ATP8A2: variants seen among roughly 807,000 people sequenced by gnomAD.
The protein encoded by ATP8A2 is phospholipid-transporting ATPase IB.
In ATP8A2, 100 loss-of-function variants were observed where a neutral mutation model predicts 165.6. That is an observed-to-expected ratio of 0.60 (90% CI 0.51 to 0.71). The LOEUF (loss-of-function observed/expected upper bound fraction) is 0.71, where lower values mean the gene tolerates loss of function less well. ATP8A2 is among the 30% of genes least tolerant of loss of function. ATP8A2 has a pLI of 0.00. For synonymous variants in ATP8A2, 543 were observed against 548.8 expected (o/e 0.99, Z 0.15); for missense variants, 1,227 against 1,479.5 (o/e 0.83, Z 2.80).
At chr13:25,622,651 A>G (rs2041000633) in intron 24 of ATP8A2, among the ~76,000 whole-genome samples, 1 of 152,194 alleles carries the variant, frequency 6.6e-6, no homozygotes, top group African/African-American at 2.4e-5. Flanking sequence ...ATCTGACCTC[A>G]TGTGACAGGT....
rs557331440 is a variant in ATP8A2 at position 25,592,048 on chromosome 13, A to G, written c.2211+2349A>G. ...CACTGGTTTTTTTTTTTTTAATAGT[A>G]GCCACTCTAATGGGTTTGAGAGTGG... On this transcript the variant is annotated intron_variant, in intron 24 of 36. Coordinates refer to ENST00000381655, the MANE Select transcript of ATP8A2 (RefSeq NM_016529.6). Among the ~76,000 whole-genome samples, 13 of 147,746 alleles carry G rather than the reference A, an allele frequency of 8.8e-5. 1 individual carries two copies. In the South Asian group the frequency reaches 2.8e-3, roughly 31 times the overall value.
chr13:25,981,797 A>C (rs1280094068), intron 35 of ATP8A2, among the ~76,000 whole-genome samples: 1 of 152,190 alleles, frequency 6.6e-6, no homozygotes, highest in African/African-American at 2.4e-5. Context: ...TTCCTGAAAA[A>C]ATGTGAAGTC....
intron 1 of ATP8A2, among the ~76,000 whole-genome samples, chr13:25,390,564 G>A (rs1346000066): frequency 6.6e-6 from 1 of 152,088 alleles, no homozygotes; most frequent in Admixed American, 6.5e-5. Flanking sequence ...GTCTTTCCCA[G>A]AATGTCATAC....
In ATP8A2 at chr13:25,530,014, C is replaced by G; in HGVS notation, c.237C>G (p.Ser79Arg). The G allele has an allele frequency of 6.2e-7, 1 of 1,609,676 alleles. No individual in the cohort carries two copies. The highest frequency in any genetic ancestry group is 8.5e-7 in the Non-Finnish European group (1 of 1,176,470). Residue 79 changes from serine to arginine, a missense_variant, in exon 3 of 37, where the codon AGC becomes AGG. Transcript: ENST00000381655. ...RDNQISTAKY[S>R]VLTFLPRFLY... ...GCACTTACAGTACGGCCAAGTACAG[C>G]GTGTTGACATTTCTACCTCGATTCT... is the stretch of plus-strand genomic sequence containing the variant.
intron 35 of ATP8A2, among the ~76,000 whole-genome samples, chr13:25,977,171 A>ACAATCC: frequency 6.6e-6 from 1 of 151,852 alleles, no homozygotes; most frequent in African/African-American, 2.4e-5. Flanking sequence ...ATTTCCACCC[A>ACAATCC]CAGTCACCTT....
In ATP8A2 at chr13:25,554,980, C is replaced by T. The variant is rs1165647133; in HGVS notation, c.1186-11C>T. On this transcript the variant is annotated splice_polypyrimidine_tract_variant and intron_variant, in intron 12 of 36. Coordinates refer to ENST00000381655, the MANE Select transcript of ATP8A2 (RefSeq NM_016529.6). ...TTTCTGAAATCCTGTCTCTTGTTCT[C>T]TCTCTCTCAGGACACAGATATGTAT... The T allele has an allele frequency of 1.9e-6, 3 of 1,555,142 alleles. No individual in the cohort carries two copies. The highest frequency in any genetic ancestry group is 1.4e-5 in the African/African-American group (1 of 73,540).
intron 1 of ATP8A2, among the ~76,000 whole-genome samples, chr13:25,404,543 C>A (rs1023115866): frequency 6.6e-6 from 1 of 151,856 alleles, no homozygotes; most frequent in East Asian, 1.9e-4. Flanking sequence ...GGGGAACACC[C>A]AGGGGAGTGG....
intron 1 of ATP8A2, among the ~76,000 whole-genome samples, chr13:25,457,669 A>T (rs1195193111): frequency 6.6e-6 from 1 of 152,228 alleles, no homozygotes; most frequent in Non-Finnish European, 1.5e-5. Flanking sequence ...CAAAGACAAC[A>T]AATCGACCTG....
At chr13:25,542,857 T>G (rs1593499125) in intron 9 of ATP8A2, among the ~76,000 whole-genome samples, 1 of 152,184 alleles carries the variant, frequency 6.6e-6, no homozygotes, top group African/African-American at 2.4e-5. Flanking sequence ...ATTGATATGA[T>G]AGGTTGCTGC....
At chr13:25,528,640 A>G (rs2037916590) in intron 2 of ATP8A2, among the ~76,000 whole-genome samples, 1 of 152,114 alleles carries the variant, frequency 6.6e-6, no homozygotes, top group Non-Finnish European at 1.5e-5. Context: ...TTTGTTGTAA[A>G]TTAAAAACCT....
intron 24 of ATP8A2, among the ~76,000 whole-genome samples, chr13:25,592,031 T>TG (rs1416855137): frequency 1.3e-5 from 2 of 151,794 alleles, no homozygotes; most frequent in Non-Finnish European, 2.9e-5. Flanking sequence ...AACACTGGTT[T>TG]TTTTTTTTTT....
At chr13:25,919,009 A>T (rs531806888) in intron 33 of ATP8A2, among the ~76,000 whole-genome samples, 1 of 152,350 alleles carries the variant, frequency 6.6e-6, no homozygotes, top group East Asian at 1.9e-4. Flanking sequence ...CCAAAAGTAG[A>T]TATGAGCAAC....
intron 23 of ATP8A2, among the ~76,000 whole-genome samples, chr13:25,586,264 A>T (rs1166267386): frequency 6.6e-6 from 1 of 152,182 alleles, no homozygotes; most frequent in Non-Finnish European, 1.5e-5. Flanking sequence ...AGGACCAGGG[A>T]AGTCTTCCTG....
chr13:25,783,904 G>T (rs1308661168), intron 27 of ATP8A2, among the ~76,000 whole-genome samples: 1 of 152,192 alleles, frequency 6.6e-6, no homozygotes, highest in Non-Finnish European at 1.5e-5. Flanking sequence ...TGAAAGGCCA[G>T]CTGGTTGCTG....
At chr13:25,491,263 C>G (rs913536112) in intron 2 of ATP8A2, among the ~76,000 whole-genome samples, 2 of 152,166 alleles carry the variant, frequency 1.3e-5, no homozygotes, top group Admixed American at 6.5e-5. Context: ...CCACAACCAA[C>G]TGAACAGTAC....
At chr13:25,666,103 T>G (rs2042147856) in intron 24 of ATP8A2, among the ~76,000 whole-genome samples, 1 of 152,026 alleles carries the variant, frequency 6.6e-6, no homozygotes, top group Non-Finnish European at 1.5e-5. Context: ...GTATTGTCAT[T>G]GTATAATTTA....
chr13:25,783,829 C>T (rs535158594), intron 27 of ATP8A2, among the ~76,000 whole-genome samples: 60 of 152,188 alleles, frequency 3.9e-4, no homozygotes, highest in African/African-American at 1.4e-3. Context: ...CATTATGCTG[C>T]GGTTTTATAT....
chr13:25,506,815 T>C (rs1241156959), intron 2 of ATP8A2, among the ~76,000 whole-genome samples: 2 of 152,006 alleles, frequency 1.3e-5, no homozygotes, highest in African/African-American at 2.4e-5. Flanking sequence ...TTTGTGTACA[T>C]TGAACCATCA....
rs538831670 is a variant in ATP8A2 at position 25,505,919 on chromosome 13, C to T, written c.222-24080C>T. Among the ~76,000 whole-genome samples, 105 of 152,180 alleles carry T rather than the reference C, an allele frequency of 6.9e-4. 1 individual carries two copies. The highest frequency in any genetic ancestry group is 2.4e-3 in the African/African-American group (100 of 41,506). On this transcript the variant is annotated intron_variant, in intron 2 of 36. Coordinates refer to ENST00000381655, the MANE Select transcript of ATP8A2 (RefSeq NM_016529.6). Reference sequence around the variant, plus strand: ...ATTAACTGCAACTTCACAAGACCCGCGATAGAGAAAGGAAAATGATGGCCT... The same window carrying T: ...ATTAACTGCAACTTCACAAGACCCGTGATAGAGAAAGGAAAATGATGGCCT...
Sources: gnomAD v4.1 joint callset for allele counts (sites outside exome capture counted in the v4.1 genomes callset) on GRCh38, gnomAD v4.1.1 for gene constraint, MANE v1.5 for transcripts, NCBI Gene and HGNC (gene_info 2026-07-23, HGNC 2026-07-21) for gene names.